Variants in RBFOX2 observed in about 807,000 individuals in gnomAD.
RBFOX2 encodes the protein RNA binding fox-1 homolog 2.
In RBFOX2, 10 loss-of-function variants were observed where a neutral mutation model predicts 49.1. The ratio of observed to expected loss-of-function variants is 0.20; its 90% CI spans 0.13 to 0.35. The LOEUF (loss-of-function observed/expected upper bound fraction) is 0.35. RBFOX2 is among the 10% of genes least tolerant of loss of function. The pLI is 1.00. For synonymous variants in RBFOX2, 183 were observed against 187.4 expected (o/e 0.98, Z 0.19); for missense variants, 323 against 486.9 (o/e 0.66, Z 3.17).
At chr22:35,880,008 T>A (rs1345441161) in intron 1 of RBFOX2, among the ~76,000 whole-genome samples, 1 of 152,042 alleles carries the variant, frequency 6.6e-6, no homozygotes, top group African/African-American at 2.4e-5. Context: ...ATACAAAAAT[T>A]AGCTAGGCAT....
intron 1 of RBFOX2, among the ~76,000 whole-genome samples, chr22:35,985,879 TCTAGATAGATAGATAGATAG>T (rs879491606): frequency 3.5e-4 from 52 of 146,984 alleles, no homozygotes; most frequent in Non-Finnish European, 4.6e-4. Context: ...AGACTCCATC[TCTAGATAGATAGATAGATAG>T]ATGGATAGAT....
chr22:35,829,681 G>A (rs1956431543), intron 1 of RBFOX2, among the ~76,000 whole-genome samples: 1 of 152,192 alleles, frequency 6.6e-6, no homozygotes, highest in African/African-American at 2.4e-5. Context: ...AAAGTAGTAT[G>A]TAAAGAATCT....
At chr22:35,826,852 G>A (rs1955859415) in intron 1 of RBFOX2, among the ~76,000 whole-genome samples, 1 of 152,122 alleles carries the variant, frequency 6.6e-6, no homozygotes, top group Non-Finnish European at 1.5e-5. Context: ...ACAATATAGT[G>A]TAATAAAAGT....
Position 35,759,546 on chromosome 22 carries a change from T to C in RBFOX2, c.887+342A>G, listed in dbSNP as rs1448878361. 1.3e-5 allele frequency among the ~76,000 whole-genome samples: 2 copies of C among 152,156 alleles called. No homozygotes were observed. The highest frequency in any genetic ancestry group is 2.9e-5 in the Non-Finnish European group (2 of 68,022). ...GTACTACAATCTTGAGCTCCTCTTT[T>C]GGTTCTCTGCAGTAATGTTAATCCA... On this transcript the variant is annotated intron_variant, in intron 9 of 11. Coordinates refer to ENST00000405409, the Ensembl canonical transcript of RBFOX2. This position sits in a 1 kb window ranked among gnomAD's most constrained non-coding sequence, Gnocchi z 4.6.
At chr22:35,897,272 G>T (rs1291851447) in intron 1 of RBFOX2, 1 of 1,506,666 alleles carries the variant, frequency 6.6e-7, no homozygotes, top group African/African-American at 1.4e-5. Context: ...ACTAAATGTT[G>T]ACGGTCTTGG....
chr22:35,742,730 T>C (rs927859464), exon 12 of RBFOX2: 1 of 152,450 alleles, frequency 6.6e-6, no homozygotes, highest in Non-Finnish European at 1.5e-5. Flanking sequence ...ACATAGAAAA[T>C]TACAGCCAGA....
At chr22:35,909,239 C>T (rs900523423) in intron 1 of RBFOX2, among the ~76,000 whole-genome samples, 1 of 152,066 alleles carries the variant, frequency 6.6e-6, no homozygotes, top group Non-Finnish European at 1.5e-5. Flanking sequence ...GAGAGGATCG[C>T]TTGGGGCCAG....
chr22:35,958,738 T>C (rs1243084243), intron 1 of RBFOX2, among the ~76,000 whole-genome samples: 2 of 152,108 alleles, frequency 1.3e-5, no homozygotes, highest in African/African-American at 4.8e-5. Context: ...CTACCGAGGA[T>C]TTTTTTTCTT....
chr22:35,745,955 C>A (rs1437582577), exon 11 of RBFOX2: 2 of 1,613,862 alleles, frequency 1.2e-6, no homozygotes, highest in Non-Finnish European at 1.7e-6. Context: ...GCGGCAGGGG[C>A]AAGGGCATGG....
At chr22:35,950,002 A>G (rs2054735440) in intron 1 of RBFOX2, among the ~76,000 whole-genome samples, 1 of 151,994 alleles carries the variant, frequency 6.6e-6, no homozygotes, top group Non-Finnish European at 1.5e-5. Flanking sequence ...CAAGGTCACG[A>G]GGATTTACTC....
At chr22:35,788,337 C>T (rs1448916571) in intron 2 of RBFOX2, among the ~76,000 whole-genome samples, 2 of 152,114 alleles carry the variant, frequency 1.3e-5, no homozygotes. Context: ...TTAATGAATT[C>T]AGAAATATTT....
At chr22:35,881,456 T>C (rs565591428) in intron 1 of RBFOX2, among the ~76,000 whole-genome samples, 1 of 151,822 alleles carries the variant, frequency 6.6e-6, no homozygotes, top group South Asian at 2.1e-4. Context: ...CACACATCTG[T>C]AGTCCCACCC....
chr22:36,028,193 T>A, intron 1 of RBFOX2, 47 bp downstream of exon 1: 1 of 1,421,038 alleles, frequency 7.0e-7, no homozygotes. Context: ...GTGTCGACCC[T>A]CACGCCCACC....
At chr22:35,974,146 G>A (rs562868840) in intron 1 of RBFOX2, among the ~76,000 whole-genome samples, 14 of 152,284 alleles carry the variant, frequency 9.2e-5, no homozygotes, top group African/African-American at 1.4e-4. Context: ...AAACTGGACT[G>A]GTCAGGATTC....
chr22:35,914,711 G>A (rs1287181500), intron 1 of RBFOX2, among the ~76,000 whole-genome samples: 1 of 152,168 alleles, frequency 6.6e-6, no homozygotes, highest in African/African-American at 2.4e-5. Context: ...ATTCCTCTAC[G>A]TGATTGGTTG....
chr22:35,798,095 CCTCCCAAG>C (rs1569155518), intron 2 of RBFOX2, among the ~76,000 whole-genome samples: 1 of 152,200 alleles, frequency 6.6e-6, no homozygotes, highest in Non-Finnish European at 1.5e-5. Flanking sequence ...CCTGCCTCAG[CCTCCCAAG>C]TAGCTGGGAT....
Position 35,916,331 on chromosome 22 carries a change from G to C in RBFOX2, c.-34+22516C>G, listed in dbSNP as rs925366003. 3.9e-5 allele frequency among the ~76,000 whole-genome samples: 6 copies of C among 152,304 alleles called. 1 individual carries two copies. The highest frequency in any genetic ancestry group is 1.5e-5 in the Non-Finnish European group (1 of 68,026). On this transcript the variant is annotated intron_variant, in intron 1 of 13. Coordinates refer to the RBFOX2 transcript ENST00000359369. Reference sequence around the variant, plus strand: ...GGGTCTCACTCTGTTGCTCAGGCTGGAGTGTAGTGGCATGATCTTGGCTCA... The same window carrying C: ...GGGTCTCACTCTGTTGCTCAGGCTGCAGTGTAGTGGCATGATCTTGGCTCA...
At chr22:35,769,147 T>C (rs1602421958) in intron 4 of RBFOX2, among the ~76,000 whole-genome samples, 2 of 152,180 alleles carry the variant, frequency 1.3e-5, no homozygotes, top group African/African-American at 2.4e-5. Context: ...CATTTATTGA[T>C]GTTTATACCT....
chr22:35,825,554 G>A (rs562395703), intron 1 of RBFOX2, among the ~76,000 whole-genome samples: 19 of 152,138 alleles, frequency 1.2e-4, no homozygotes, highest in Non-Finnish European at 1.2e-4. Flanking sequence ...ATAAACATGG[G>A]TTAAAATTTA....
Sources: allele counts gnomAD v4.1 joint callset (sites outside exome capture counted in the v4.1 genomes callset), GRCh38; gene constraint gnomAD v4.1.1; non-coding constraint Gnocchi (gnomAD v3.1); transcripts MANE v1.5; gene names NCBI Gene and HGNC (gene_info 2026-07-23, HGNC 2026-07-21).